Variants in PTPRD observed in about 807,000 individuals in gnomAD.
PTPRD encodes the protein receptor-type tyrosine-protein phosphatase delta.
PTPRD carries 34 observed loss-of-function variants against 214.5 expected under a neutral mutation model. That is an observed-to-expected ratio of 0.16 (90% CI 0.12 to 0.21). The LOEUF (loss-of-function observed/expected upper bound fraction) is 0.21, where lower values mean the gene tolerates loss of function less well. PTPRD is among the 10% of genes least tolerant of loss of function. PTPRD has a pLI of 1.00. For synonymous variants in PTPRD, 1,128 were observed against 845.7 expected, an observed-to-expected ratio of 1.33 and a Z score of -5.79; for missense variants, 2,545 against 2,398.7, an observed-to-expected ratio of 1.06 and a Z score of -1.27.
At chr9:9,940,149 G>T (rs931722141) in intron 4 of PTPRD, among the ~76,000 whole-genome samples, 1 of 152,280 alleles carries the variant, frequency 6.6e-6, no homozygotes, top group Non-Finnish European at 1.5e-5. Flanking sequence ...AGGGATGAGG[G>T]GAGTGAGCAG....
intron 11 of PTPRD, among the ~76,000 whole-genome samples, chr9:8,880,952 A>G (rs549985722): frequency 4.9e-4 from 75 of 152,156 alleles, no homozygotes; most frequent in African/African-American, 1.8e-3. Context: ...TTTTTTGTAG[A>G]GACAGGGTTT....
chr9:9,970,225 C>A (rs1354798197), intron 4 of PTPRD, among the ~76,000 whole-genome samples: 1 of 151,748 alleles, frequency 6.6e-6, no homozygotes, highest in Admixed American at 6.6e-5. Flanking sequence ...CCGAGGTGGG[C>A]GGATCACGAG....
At chr9:8,524,554 G>A (rs1309433961) in intron 18 of PTPRD, among the ~76,000 whole-genome samples, 1 of 151,814 alleles carries the variant, frequency 6.6e-6, no homozygotes, top group Non-Finnish European at 1.5e-5. Context: ...AGCACACCAA[G>A]CAATTATTTC....
At chr9:9,590,794 GTTTATC>G (rs1187932559) in intron 7 of PTPRD, among the ~76,000 whole-genome samples, 2 of 151,960 alleles carry the variant, frequency 1.3e-5, no homozygotes, top group African/African-American at 4.8e-5. Context: ...TTGAAATACT[GTTTATC>G]TTTGTTTGCT....
At chr9:8,703,216 C>T (rs1597424451) in intron 12 of PTPRD, among the ~76,000 whole-genome samples, 2 of 152,092 alleles carry the variant, frequency 1.3e-5, no homozygotes, top group African/African-American at 4.8e-5. Flanking sequence ...TTGAGGAGAT[C>T]AGCAGGAAAG....
At chr9:10,370,827 C>G (rs1016481679) in intron 2 of PTPRD, among the ~76,000 whole-genome samples, 5 of 151,904 alleles carry the variant, frequency 3.3e-5, no homozygotes, top group African/African-American at 1.2e-4. Context: ...GATCTCTTCT[C>G]TCCTGAGATC....
intron 11 of PTPRD, among the ~76,000 whole-genome samples, chr9:8,899,842 A>G (rs911219419): frequency 5.3e-5 from 8 of 152,102 alleles, no homozygotes; most frequent in African/African-American, 1.9e-4. Flanking sequence ...AAAATGAGAG[A>G]AGTTCATCCG....
At chr9:9,839,049 T>C (rs962110171) in intron 5 of PTPRD, among the ~76,000 whole-genome samples, 6 of 152,174 alleles carry the variant, frequency 3.9e-5, no homozygotes, top group African/African-American at 1.4e-4. Flanking sequence ...CTTGTTTTTG[T>C]CAGGTTTGTC....
intron 10 of PTPRD, among the ~76,000 whole-genome samples, chr9:9,092,376 AT>A (rs1383562439): frequency 6.6e-6 from 1 of 152,098 alleles, no homozygotes. Flanking sequence ...GATTCATATT[AT>A]TATTGTTATA....
chr9:9,229,191 T>C (rs552413208), intron 9 of PTPRD, among the ~76,000 whole-genome samples: 8 of 152,130 alleles, frequency 5.3e-5, no homozygotes, highest in African/African-American at 1.9e-4. Context: ...ATTGATAACA[T>C]TCAACTTACA....
intron 43 of PTPRD, among the ~76,000 whole-genome samples, chr9:8,335,408 T>A (rs540417118): frequency 6.6e-6 from 1 of 152,166 alleles, no homozygotes; most frequent in Admixed American, 6.5e-5. Context: ...ATTATCTCAA[T>A]AGATGCAGAA....
At chr9:9,465,899 C>T (rs139997018) in intron 8 of PTPRD, among the ~76,000 whole-genome samples, 146 of 152,074 alleles carry the variant, frequency 9.6e-4, no homozygotes, top group African/African-American at 3.4e-3. Context: ...TACACCCAAT[C>T]GGCCACAACC....
At chr9:9,777,598 G>A (rs1271596302) in intron 5 of PTPRD, among the ~76,000 whole-genome samples, 3 of 152,022 alleles carry the variant, frequency 2.0e-5, no homozygotes, top group East Asian at 1.9e-4. Context: ...CTCAAGAGCC[G>A]GAGGTGGGAG....
At chr9:8,943,376 A>G (rs1271259084) in intron 11 of PTPRD, among the ~76,000 whole-genome samples, 3 of 151,996 alleles carry the variant, frequency 2.0e-5, no homozygotes, top group South Asian at 2.1e-4. Context: ...TTCAAATTAT[A>G]CTACAGAGCT....
chr9:10,579,988 A>C (rs2071121532), intron 2 of PTPRD, among the ~76,000 whole-genome samples: 1 of 152,086 alleles, frequency 6.6e-6, no homozygotes, highest in East Asian at 1.9e-4. Flanking sequence ...CAAGTTCCTT[A>C]TAAATTCTAG....
chr9:10,270,786 G>C (rs1000274269), intron 3 of PTPRD, among the ~76,000 whole-genome samples: 1 of 152,128 alleles, frequency 6.6e-6, no homozygotes, highest in African/African-American at 2.4e-5. Flanking sequence ...GAAATGATCT[G>C]AAATATACAT....
At chr9:9,696,343 T>A (rs2097373320) in intron 7 of PTPRD, among the ~76,000 whole-genome samples, 1 of 152,190 alleles carries the variant, frequency 6.6e-6, no homozygotes, top group South Asian at 2.1e-4. Context: ...AATTTATCTC[T>A]GATGTTTCTT....
intron 6 of PTPRD, among the ~76,000 whole-genome samples, chr9:9,763,836 T>A (rs557300498): frequency 1.1e-4 from 17 of 152,140 alleles, no homozygotes; most frequent in Non-Finnish European, 2.2e-4. Context: ...ACAGAAAGAA[T>A]TGAAAATTAT....
chr9:9,797,495 G>C (rs1004180627), intron 5 of PTPRD, among the ~76,000 whole-genome samples: 1 of 152,026 alleles, frequency 6.6e-6, no homozygotes, highest in South Asian at 2.1e-4. Flanking sequence ...CTAGAAAAAT[G>C]AGAAAGAATA....
Sources: allele counts gnomAD v4.1 joint callset (sites outside exome capture counted in the v4.1 genomes callset), GRCh38; gene constraint gnomAD v4.1.1; transcripts MANE v1.5; gene names NCBI Gene and HGNC (gene_info 2026-07-23, HGNC 2026-07-21).